The following PPP1R14C variants were observed in gnomAD, a reference collection of about 807,000 sequenced individuals.
PPP1R14C encodes the protein protein phosphatase 1 regulatory subunit 14C.
In PPP1R14C, 16 loss-of-function variants were observed where a neutral mutation model predicts 20.4. The observed-to-expected ratio is 0.78, with a 90% CI of 0.53 to 1.19. The LOEUF is 1.19. PPP1R14C is among the 50% of genes most tolerant of loss of function. The pLI is 0.00. For synonymous variants in PPP1R14C, 91 were observed against 91.0 expected (o/e 1.00, Z 0.00); for missense variants, 211 against 220.1 (o/e 0.96, Z 0.26).
intron 2 of PPP1R14C, among the ~76,000 whole-genome samples, chr6:150,215,583 A>AT (rs1268741431): frequency 6.6e-6 from 1 of 152,238 alleles, no homozygotes; most frequent in African/African-American, 2.4e-5. Context: ...TGTTTAATGC[A>AT]TTAGTTATTA....
At chr6:150,156,368 C>T (rs1777306490) in intron 1 of PPP1R14C, among the ~76,000 whole-genome samples, 1 of 152,144 alleles carries the variant, frequency 6.6e-6, no homozygotes, top group Non-Finnish European at 1.5e-5. Context: ...CTATTAATTA[C>T]TTGGTTTGCT....
intron 1 of PPP1R14C, among the ~76,000 whole-genome samples, chr6:150,190,531 A>C (rs370589632): frequency 9.3e-5 from 14 of 151,342 alleles, no homozygotes; most frequent in African/African-American, 3.4e-4. Context: ...GGTTCAAGCG[A>C]TTCTCCTGCC....
At chr6:150,191,958 T>G (rs1487642113) in intron 1 of PPP1R14C, among the ~76,000 whole-genome samples, 1 of 152,170 alleles carries the variant, frequency 6.6e-6, no homozygotes, top group Non-Finnish European at 1.5e-5. Flanking sequence ...TACAGATTAC[T>G]GTGTGCACAG....
At chr6:150,229,837 C>T (rs17527128) in intron 3 of PPP1R14C, among the ~76,000 whole-genome samples, 9,630 of 152,194 alleles carry the variant, frequency 0.063, 473 homozygotes, top group Middle Eastern at 0.088. Context: ...TGCGCCATGC[C>T]AGCAAATGAA....
At chr6:150,246,750 T>C (rs996875730) in intron 3 of PPP1R14C, among the ~76,000 whole-genome samples, 3 of 152,180 alleles carry the variant, frequency 2.0e-5, no homozygotes, top group African/African-American at 7.2e-5. Context: ...TCAGGAGCCA[T>C]CCAAATATCC....
At chr6:150,181,818 CTTGA>C (rs1277864329) in intron 1 of PPP1R14C, among the ~76,000 whole-genome samples, 2 of 152,268 alleles carry the variant, frequency 1.3e-5, no homozygotes, top group East Asian at 3.9e-4. Flanking sequence ...TTAAATGTGA[CTTGA>C]TTTATTTATG....
At chr6:150,246,921 G>T (rs1391823754) in intron 3 of PPP1R14C, among the ~76,000 whole-genome samples, 2 of 152,076 alleles carry the variant, frequency 1.3e-5, no homozygotes, top group African/African-American at 4.8e-5. Flanking sequence ...TCTTAATTAG[G>T]TGAAAACAAT....
rs144980935 is a variant in PPP1R14C at position 150,237,413 on chromosome 6, C to T, written c.424-11333C>T. On this transcript the variant is annotated intron_variant, in intron 3 of 3. Coordinates refer to ENST00000361131, the MANE Select transcript of PPP1R14C (RefSeq NM_030949.3). ...AGACAGGGTTTCACCATATTGGTCACGATGGTCTCGAACTCCCAACCTCAG... is the reference window on the plus strand; with the variant it reads ...AGACAGGGTTTCACCATATTGGTCATGATGGTCTCGAACTCCCAACCTCAG... Among the ~76,000 whole-genome samples the T allele has an allele frequency of 1.1e-3, 163 of 152,150 alleles. 2 individuals are homozygous for T. Among genetic ancestry groups the T allele is most frequent in the African/African-American group, 3.5e-3 (144 of 41,508 alleles).
chr6:150,197,720 G>A (rs1053042470), intron 1 of PPP1R14C, among the ~76,000 whole-genome samples: 1 of 106,014 alleles, frequency 9.4e-6, no homozygotes, highest in South Asian at 3.7e-4. Context: ...TGTGCCCCTG[G>A]CCGCCACGGT....
intron 1 of PPP1R14C, among the ~76,000 whole-genome samples, chr6:150,214,050 T>C (rs900400465): frequency 6.6e-6 from 1 of 152,244 alleles, no homozygotes; most frequent in African/African-American, 2.4e-5. Flanking sequence ...GGTGCCACAC[T>C]TCCTCGGTTC....
rs187089876 is a variant in PPP1R14C at position 150,238,906 on chromosome 6, T to C, written c.424-9840T>C. 3.3e-5 allele frequency among the ~76,000 whole-genome samples: 5 copies of C among 152,250 alleles called. No homozygotes were observed. The East Asian group carries it at 9.7e-4, about 29-fold the overall frequency. On this transcript the variant is annotated intron_variant, in intron 3 of 3. Transcript: ENST00000361131. ...ACATTGGATTAAATACGGGACCATG[T>C]AAAGAGGCCACATAGAGGAGGCCTT...
At chr6:150,224,223 A>G (rs568507699) in intron 3 of PPP1R14C, among the ~76,000 whole-genome samples, 128 of 152,312 alleles carry the variant, frequency 8.4e-4, no homozygotes, top group Middle Eastern at 3.4e-3. Flanking sequence ...TCTTTCACCA[A>G]TACCACACTG....
intron 1 of PPP1R14C, among the ~76,000 whole-genome samples, chr6:150,174,907 G>A (rs1337411732): frequency 6.6e-6 from 1 of 151,506 alleles, no homozygotes; most frequent in Non-Finnish European, 1.5e-5. Context: ...CGGAGGTTGC[G>A]GTGAGCTGAG....
At chr6:150,212,281 G>T (rs1030520209) in intron 1 of PPP1R14C, among the ~76,000 whole-genome samples, 1 of 152,214 alleles carries the variant, frequency 6.6e-6, no homozygotes, top group Non-Finnish European at 1.5e-5. Flanking sequence ...GAACTGAGTT[G>T]TATTTCATTT....
At chr6:150,229,400 A>G (rs966082630) in intron 3 of PPP1R14C, among the ~76,000 whole-genome samples, 1 of 152,218 alleles carries the variant, frequency 6.6e-6, no homozygotes, top group African/African-American at 2.4e-5. Context: ...ATTTTATTTT[A>G]CATTGCCCAA....
At chr6:150,247,742 G>A (rs542530194) in intron 3 of PPP1R14C, among the ~76,000 whole-genome samples, 4 of 152,274 alleles carry the variant, frequency 2.6e-5, no homozygotes, top group African/African-American at 9.6e-5. Flanking sequence ...CACCAGTGGT[G>A]TGCAGTATTC....
intron 1 of PPP1R14C, among the ~76,000 whole-genome samples, chr6:150,180,768 T>C (rs555909389): frequency 6.6e-6 from 1 of 152,226 alleles, no homozygotes; most frequent in African/African-American, 2.4e-5. Flanking sequence ...AAGCCTCAGA[T>C]TGTGTGACTT....
At chr6:150,180,384 C>G (rs184151217) in intron 1 of PPP1R14C, among the ~76,000 whole-genome samples, 1 of 152,150 alleles carries the variant, frequency 6.6e-6, no homozygotes, top group Admixed American at 6.5e-5. Flanking sequence ...CAAATAACCC[C>G]GAGTCTCAGC....
At chr6:150,206,191 T>A (rs1318311461) in intron 1 of PPP1R14C, among the ~76,000 whole-genome samples, 1 of 152,206 alleles carries the variant, frequency 6.6e-6, no homozygotes, top group Non-Finnish European at 1.5e-5. Flanking sequence ...CCTTACCCTG[T>A]CACTGCCTGA....
Sources: gnomAD v4.1 joint callset for allele counts (sites outside exome capture counted in the v4.1 genomes callset) on GRCh38, gnomAD v4.1.1 for gene constraint, MANE v1.5 for transcripts, NCBI Gene and HGNC (gene_info 2026-07-23, HGNC 2026-07-21) for gene names.